The following ZNF570 variants were observed in gnomAD, a reference collection of about 807,000 sequenced individuals.
ZNF570 encodes zinc finger protein 570.
A neutral mutation model predicts 14.2 loss-of-function variants in ZNF570; 8 were observed. The ratio of observed to expected loss-of-function variants is 0.56; its 90% confidence interval spans 0.33 to 1.02. ZNF570 has a LOEUF of 1.02. Among genes scored for constraint, ZNF570 ranks in the 50% least tolerant of loss-of-function variants. ZNF570 has a pLI of 0.03. For synonymous variants in ZNF570, 202 were observed against 207.6 expected, an observed-to-expected ratio of 0.97 and a Z score of 0.23; for missense variants, 559 against 624.9, an observed-to-expected ratio of 0.89 and a Z score of 1.12.
chr19:37,483,823 A>C (rs2042113270), intron 4 of ZNF570, 56 bp from the exon 5 acceptor site: 6 of 1,495,424 alleles, frequency 4.0e-6, no homozygotes, highest in South Asian at 2.7e-5. Context: ...TACTTTATTA[A>C]ATGTACTTTC....
At chr19:37,477,630 C>T (rs1232939422) in intron 4 of ZNF570, among the ~76,000 whole-genome samples, 1 of 152,124 alleles carries the variant, frequency 6.6e-6, no homozygotes, top group South Asian at 2.1e-4. Context: ...ACGTGAGCCA[C>T]TGCACCCAGC....
intron 2 of ZNF570, among the ~76,000 whole-genome samples, chr19:37,472,610 C>T (rs1018927939): frequency 1.3e-5 from 2 of 151,860 alleles, no homozygotes; most frequent in African/African-American, 4.8e-5. Context: ...GGCGTAGTTG[C>T]GCATGCCTGT....
Position 37,485,341 on chromosome 19 carries a change from T to G in ZNF570, c.*108T>G. The G allele has an allele frequency of 9.0e-7, 1 of 1,105,304 alleles. No homozygotes were observed. Among genetic ancestry groups the G allele is most frequent in the Non-Finnish European group, 1.2e-6 (1 of 818,818 alleles). The allele number at this position is 1,105,304 out of a possible 1,614,324, so 68.5% of individuals were successfully genotyped here. A position where few individuals can be genotyped will look rare whatever the true frequency, so the allele number is the denominator to read the frequency against. On this transcript the variant is annotated 3_prime_UTR_variant, in exon 5 of 5. Coordinates refer to ENST00000330173, the MANE Select transcript of ZNF570 (RefSeq NM_144694.5). Reference sequence around the variant, plus strand: ...ATTACTAATATAGCTTTCAAACAGGTTTTCCTGTATTTATTTTTGCTACCT... The same window carrying G: ...ATTACTAATATAGCTTTCAAACAGGGTTTCCTGTATTTATTTTTGCTACCT...
intron 4 of ZNF570, among the ~76,000 whole-genome samples, chr19:37,480,959 A>AG (rs773781663): frequency 3.3e-5 from 5 of 151,948 alleles, no homozygotes; most frequent in African/African-American, 4.8e-5. Context: ...AAAAAAAAAA[A>AG]CAAAACAAAA....
rs984541684 is a variant in ZNF570, at chr19:37,474,658, C to T, written c.34-1223C>T. 3.0e-4 allele frequency among the ~76,000 whole-genome samples: 46 copies of T among 152,182 alleles called. 1 individual carries two copies. The highest frequency in any genetic ancestry group is 9.2e-4 in the Admixed American group (14 of 15,284). Reference sequence around the variant, plus strand: ...TATTTTTAGTAGAGACAGCGTTTTACCATGTTGGCCAGGCTGTTCTGGAAC... The same window carrying T: ...TATTTTTAGTAGAGACAGCGTTTTATCATGTTGGCCAGGCTGTTCTGGAAC... On this transcript the variant is annotated intron_variant, in intron 2 of 4. Transcript: ENST00000330173.
Position 37,470,321 on chromosome 19 carries a change from T to G in ZNF570, c.-34T>G, listed in dbSNP as rs180764529. ...CATCTCAGTCATCTGAGGCCACTGC[T>G]ATTTCCCAAGAGAAGAGCCAGGAGG... On this transcript the variant is annotated 5_prime_UTR_variant, in exon 2 of 5. Transcript: ENST00000330173. The G allele has an allele frequency of 8.5e-5, 138 of 1,614,122 alleles. No individual in the cohort carries two copies. In the Admixed American group the frequency reaches 2.3e-3, roughly 27 times the overall value.
intron 2 of ZNF570, among the ~76,000 whole-genome samples, chr19:37,472,742 CAAAAAAAAA>C (rs34301870): frequency 5.8e-5 from 6 of 102,906 alleles, no homozygotes; most frequent in Non-Finnish European, 1.1e-4. Flanking sequence ...AACTTTGTCT[CAAAAAAAAA>C]AAAAAAAAAG....
At chr19:37,476,194 C>T in intron 3 of ZNF570, 145 bp from the exon 4 acceptor site, 1 of 1,259,526 alleles carries the variant, frequency 7.9e-7, no homozygotes, top group Non-Finnish European at 1.1e-6. Context: ...GCTTCATCTT[C>T]CTTATCCTTC....
At chr19:37,474,967 G>GTTT (rs11285183) in intron 2 of ZNF570, among the ~76,000 whole-genome samples, 1 of 138,686 alleles carries the variant, frequency 7.2e-6, no homozygotes, top group African/African-American at 2.7e-5. Flanking sequence ...TTTTGTTTTT[G>GTTT]TTTTTTTTTT....
At chr19:37,473,133 A>G (rs927540296) in intron 2 of ZNF570, among the ~76,000 whole-genome samples, 2 of 152,124 alleles carry the variant, frequency 1.3e-5, no homozygotes, top group Non-Finnish European at 2.9e-5. Context: ...TGAAGGTGTG[A>G]GGTGAGAGGG....
In ZNF570 at chr19:37,473,062, G is replaced by T. The variant is rs541415503; in HGVS notation, c.33+2675G>T. Among the ~76,000 whole-genome samples, 8 of 152,164 alleles carry T rather than the reference G, an allele frequency of 5.3e-5. No homozygotes were observed. The South Asian group carries it at 1.7e-3, about 32-fold the overall frequency. ...GTTTGTGGGAATTATCTTTCAATGGGTTTTGTTTTCTCAGAGAAAATAAGA... is the reference window on the plus strand; with the variant it reads ...GTTTGTGGGAATTATCTTTCAATGGTTTTTGTTTTCTCAGAGAAAATAAGA... On this transcript the variant is annotated intron_variant, in intron 2 of 4. Coordinates refer to ENST00000330173, the MANE Select transcript of ZNF570 (RefSeq NM_144694.5).
At chr19:37,469,333 C>T (rs571690316), upstream of ZNF570, 5 of 1,417,818 alleles carry the variant, frequency 3.5e-6, no homozygotes, top group South Asian at 4.6e-5. Flanking sequence ...TTTGTGTCCT[C>T]CGGGGGCGGA....
chr19:37,478,404 A>AT (rs1436245172), intron 4 of ZNF570, among the ~76,000 whole-genome samples: 1 of 152,146 alleles, frequency 6.6e-6, no homozygotes, highest in Non-Finnish European at 1.5e-5. Context: ...CTTCGTATGC[A>AT]TTGGCCTTAT....
intron 4 of ZNF570, among the ~76,000 whole-genome samples, chr19:37,477,506 A>AT (rs1490436514): frequency 1.3e-5 from 2 of 150,808 alleles, no homozygotes; most frequent in Admixed American, 6.6e-5. Flanking sequence ...CGCCTGGCTA[A>AT]TTTTTTTGTA....
chr19:37,480,736 T>G (rs1481334521), intron 4 of ZNF570, among the ~76,000 whole-genome samples: 1 of 151,876 alleles, frequency 6.6e-6, no homozygotes, highest in African/African-American at 2.4e-5. Context: ...GTGCATCACT[T>G]CAGTCTAGGA....
At position 37,484,261 on chromosome 19, in the gene ZNF570, A is replaced by G. The variant is rs746159257; in HGVS notation, c.639A>G (p.Ala213=). 1.9e-6 allele frequency: 3 copies of G among 1,613,430 alleles called. No homozygotes were observed. Among genetic ancestry groups the G allele is most frequent in the Non-Finnish European group, 1.7e-6 (2 of 1,179,904 alleles). Residue 213 remains alanine (A), a synonymous_variant, in exon 5 of 5, where the codon GCA becomes GCG. Transcript: ENST00000330173. ...LMAIKPKSVC[A]EKKLLKCNDC... The stretch of plus-strand genomic sequence containing the variant: ...CTATTAAGCCCAAGAGTGTCTGTGC[A>G]GAGAAGAAACTTTTGAAATGTAATG...
intron 1 of ZNF570, 184 bp from the exon 2 acceptor site, chr19:37,470,119 AG>A: frequency 1.9e-6 from 1 of 539,130 alleles, no homozygotes; most frequent in East Asian, 3.0e-5. Context: ...TGTTAACCTA[AG>A]GAATTGGGAA....
At chr19:37,473,740 G>C (rs746598361) in intron 2 of ZNF570, among the ~76,000 whole-genome samples, 8 of 152,142 alleles carry the variant, frequency 5.3e-5, no homozygotes, top group Non-Finnish European at 1.0e-4. Flanking sequence ...AGGTTGTGGG[G>C]AGTATTATTT....
chr19:37,469,102 C>T (rs1022719656), upstream of ZNF570: 1 of 1,048,212 alleles, frequency 9.5e-7, no homozygotes, highest in Non-Finnish European at 1.2e-6. Flanking sequence ...TGGGCCCCGT[C>T]CCTGTGACCG....
Sources: allele counts gnomAD v4.1 joint callset (sites outside exome capture counted in the v4.1 genomes callset), GRCh38; gene constraint gnomAD v4.1.1; transcripts MANE v1.5; gene names NCBI Gene and HGNC (gene_info 2026-07-23, HGNC 2026-07-21).